The following KIAA1217 variants were observed in gnomAD, a reference collection of about 807,000 sequenced individuals.
KIAA1217 encodes sickle tail protein homolog.
In KIAA1217, 88 loss-of-function variants were observed where a neutral mutation model predicts 163.9. The observed-to-expected ratio is 0.54, with a 90% CI of 0.45 to 0.64. The LOEUF (loss-of-function observed/expected upper bound fraction) is 0.64, where lower values mean the gene tolerates loss of function less well. Among genes scored for constraint, KIAA1217 ranks in the 30% least tolerant of loss-of-function variants. The pLI, the probability that KIAA1217 is intolerant of heterozygous loss-of-function variation, is 0.00. For missense variants in KIAA1217, 2,372 were observed against 2,475.0 expected (o/e 0.96, Z 0.88); for synonymous variants, 903 against 923.1 (o/e 0.98, Z 0.39).
chr10:24,403,718 G>A (rs1233520654), intron 3 of KIAA1217, among the ~76,000 whole-genome samples: 1 of 152,172 alleles, frequency 6.6e-6, no homozygotes, highest in Non-Finnish European at 1.5e-5. Flanking sequence ...TCACTAAAGA[G>A]GAGGTACAGA....
At chr10:24,123,339 G>A (rs1308814879) in intron 2 of KIAA1217, among the ~76,000 whole-genome samples, 1 of 151,980 alleles carries the variant, frequency 6.6e-6, no homozygotes, top group Admixed American at 6.6e-5. Context: ...TCCATTTATT[G>A]TAATTGCAGG....
intron 1 of KIAA1217, among the ~76,000 whole-genome samples, chr10:23,931,753 A>G (rs1186563579): frequency 6.6e-6 from 1 of 152,218 alleles, no homozygotes; most frequent in Non-Finnish European, 1.5e-5. Flanking sequence ...TATGGCAGAT[A>G]TGCAGTTTCT....
At chr10:23,850,848 A>C (rs1008641499) in intron 1 of KIAA1217, among the ~76,000 whole-genome samples, 10 of 152,072 alleles carry the variant, frequency 6.6e-5, no homozygotes, top group African/African-American at 2.2e-4. Flanking sequence ...GCACATCTTA[A>C]ATTGACAGAA....
chr10:24,367,819 G>T lies in KIAA1217; in HGVS notation c.355-13050G>T, dbSNP rs146187298. Among the ~76,000 whole-genome samples, 171 of 152,346 alleles carry T rather than the reference G, an allele frequency of 1.1e-3. 1 individual carries two copies. The highest frequency in any genetic ancestry group is 4.0e-3 in the African/African-American group (165 of 41,578). On this transcript the variant is annotated intron_variant, in intron 2 of 20. Transcript: ENST00000376454. ...CAACCCTGTGGGGGAGGTATACTAT[G>T]ATCCCCATTTTACAAATGAGGTGAT...
In KIAA1217 at chr10:24,192,734, G is replaced by A. The variant is rs1589845111; in HGVS notation, c.-170-26892G>A. Among the ~76,000 whole-genome samples, 7 of 152,230 alleles carry A rather than the reference G, an allele frequency of 4.6e-5. No homozygotes were observed. The East Asian group carries it at 1.3e-3, about 29-fold the overall frequency. ...AGAGGTGACATTTACAATGTCTGGG[G>A]TGGTGCTTACAGCAAGACCTTGGGA... On this transcript the variant is annotated intron_variant, in intron 2 of 18. Coordinates refer to the KIAA1217 transcript ENST00000376462.
chr10:24,259,621 A>G (rs1391339664), intron 2 of KIAA1217, among the ~76,000 whole-genome samples: 1 of 152,230 alleles, frequency 6.6e-6, no homozygotes, highest in East Asian at 1.9e-4. Flanking sequence ...TGTCTAAAAA[A>G]GAAAGCAATA....
intron 1 of KIAA1217, among the ~76,000 whole-genome samples, chr10:23,862,421 G>A (rs1839998089): frequency 6.6e-6 from 1 of 152,158 alleles, no homozygotes; most frequent in African/African-American, 2.4e-5. Flanking sequence ...AGATACTTGA[G>A]TATTTGAGAT....
intron 2 of KIAA1217, among the ~76,000 whole-genome samples, chr10:24,289,740 T>C (rs997574325): frequency 1.3e-5 from 2 of 151,886 alleles, no homozygotes; most frequent in African/African-American, 4.8e-5. Flanking sequence ...TAGTAGGTAG[T>C]CTCAGTAATG....
chr10:24,203,529 G>A (rs1319729123), intron 2 of KIAA1217, among the ~76,000 whole-genome samples: 1 of 152,034 alleles, frequency 6.6e-6, no homozygotes, highest in Non-Finnish European at 1.5e-5. Context: ...AACTTGATTG[G>A]TTCCCCTTCC....
chr10:24,057,945 C>T (rs914703639), intron 2 of KIAA1217, among the ~76,000 whole-genome samples: 4 of 152,114 alleles, frequency 2.6e-5, no homozygotes, highest in African/African-American at 9.7e-5. Flanking sequence ...GTTACCTGTG[C>T]TTTTGTTGTC....
At chr10:23,920,580 G>T (rs369982745) in intron 1 of KIAA1217, among the ~76,000 whole-genome samples, 4 of 152,112 alleles carry the variant, frequency 2.6e-5, no homozygotes, top group East Asian at 3.9e-4. Context: ...AGACATTAAG[G>T]CTAATTCCTT....
At chr10:23,754,678 T>A (rs554372918) in intron 1 of KIAA1217, among the ~76,000 whole-genome samples, 1 of 152,284 alleles carries the variant, frequency 6.6e-6, no homozygotes, top group East Asian at 1.9e-4. Flanking sequence ...AGTGTCCGCC[T>A]CCTGCTTCTG....
chr10:24,026,256 C>A (rs1298088990), intron 2 of KIAA1217, among the ~76,000 whole-genome samples: 1 of 151,734 alleles, frequency 6.6e-6, no homozygotes, highest in African/African-American at 2.4e-5. Context: ...ATTTTCTGGT[C>A]TTGATATCAT....
chr10:23,945,878 C>T (rs370522164), intron 1 of KIAA1217, among the ~76,000 whole-genome samples: 1 of 152,070 alleles, frequency 6.6e-6, no homozygotes, highest in Non-Finnish European at 1.5e-5. Flanking sequence ...GAAGGCTAAT[C>T]GCAACTGGGT....
intron 2 of KIAA1217, among the ~76,000 whole-genome samples, chr10:24,092,560 A>C (rs921327625): frequency 1.3e-5 from 2 of 151,874 alleles, no homozygotes; most frequent in Non-Finnish European, 2.9e-5. Flanking sequence ...ACCATGGAAC[A>C]CTACTCAACA....
chr10:23,731,867 T>A (rs1280140482), intron 1 of KIAA1217, among the ~76,000 whole-genome samples: 1 of 152,130 alleles, frequency 6.6e-6, no homozygotes, highest in African/African-American at 2.4e-5. Context: ...TATGATGTGA[T>A]TTTTCTTTTT....
At position 24,218,769 on chromosome 10, in the gene KIAA1217, A is replaced by G. The variant is rs972251892; in HGVS notation, c.71-857A>G. 5.3e-5 allele frequency among the ~76,000 whole-genome samples: 8 copies of G among 152,238 alleles called. No individual in the cohort carries two copies. In the South Asian group the frequency reaches 8.3e-4, roughly 16 times the overall value. On this transcript the variant is annotated intron_variant, in intron 1 of 20. Coordinates refer to ENST00000376454, the MANE Select transcript of KIAA1217 (RefSeq NM_019590.5). The stretch of plus-strand genomic sequence containing the variant: ...CTCCCAAAGTGCTGGGATTACAGGC[A>G]TGAGCCACGGCGCCTGGCCCTCGAT...
chr10:23,995,294 A>G (rs529537796), intron 1 of KIAA1217, among the ~76,000 whole-genome samples: 3 of 152,350 alleles, frequency 2.0e-5, no homozygotes, highest in African/African-American at 7.2e-5. Context: ...CAAAAAGCTA[A>G]TCAAATTGGT....
At chr10:23,917,392 C>T (rs966310487) in intron 1 of KIAA1217, among the ~76,000 whole-genome samples, 5 of 152,176 alleles carry the variant, frequency 3.3e-5, no homozygotes, top group Non-Finnish European at 7.3e-5. Context: ...TTACTCCTCA[C>T]TCTGAAATTC....
Sources: allele counts gnomAD v4.1 joint callset (sites outside exome capture counted in the v4.1 genomes callset), GRCh38; gene constraint gnomAD v4.1.1; transcripts MANE v1.5; gene names NCBI Gene and HGNC (gene_info 2026-07-23, HGNC 2026-07-21).